The following DIAPH1 variants were observed in gnomAD, a reference collection of about 807,000 sequenced individuals.
The protein encoded by DIAPH1 is diaphanous related formin 1.
A neutral mutation model predicts 140.7 loss-of-function variants in DIAPH1; 46 were observed. That is an observed-to-expected ratio of 0.33 (90% CI 0.26 to 0.42). DIAPH1 has a LOEUF of 0.42. Ranked by LOEUF, DIAPH1 falls within the 10% of genes least tolerant of loss-of-function variation. The pLI is 1.00. For missense variants in DIAPH1, 1,310 were observed against 1,558.7 expected (o/e 0.84, Z 2.69); for synonymous variants, 565 against 551.6 (o/e 1.02, Z -0.34).
chr5:141,585,692 C>G (rs1366929602), intron 3 of DIAPH1, among the ~76,000 whole-genome samples: 1 of 152,040 alleles, frequency 6.6e-6, no homozygotes, highest in African/African-American at 2.4e-5. Context: ...CCCAGCTACT[C>G]AGGAGGCTGA....
In DIAPH1 at chr5:141,528,280, G is replaced by T. The variant is rs187894887; in HGVS notation, c.3148+173C>A. Among the ~76,000 whole-genome samples, 14 of 152,274 alleles carry T rather than the reference G, an allele frequency of 9.2e-5. No homozygotes were observed. The East Asian group carries it at 1.5e-3, about 17-fold the overall frequency. ...AGTGCTTCCTATTTCTACACATAAA[G>T]ATCTCTCCTCAGCCATACGCTCTGC... On this transcript the variant is annotated intron_variant, in intron 23 of 27. Coordinates refer to ENST00000389054, the MANE Select transcript of DIAPH1 (RefSeq NM_005219.5).
chr5:141,572,254 C>CAT (rs931655134), intron 16 of DIAPH1, among the ~76,000 whole-genome samples: 4 of 152,160 alleles, frequency 2.6e-5, no homozygotes, highest in African/African-American at 9.7e-5. Flanking sequence ...GAACTAGATT[C>CAT]ATATATATAC....
chr5:141,546,485 G>A (rs914373029), intron 18 of DIAPH1, among the ~76,000 whole-genome samples: 14 of 151,828 alleles, frequency 9.2e-5, no homozygotes, highest in East Asian at 1.9e-4. Context: ...GTGAAACCCC[G>A]TCTCTACTAA....
chr5:141,615,158 G>A (rs1029968110), intron 1 of DIAPH1, among the ~76,000 whole-genome samples: 2 of 152,096 alleles, frequency 1.3e-5, no homozygotes, highest in Admixed American at 6.5e-5. Context: ...TCTCTTGGCC[G>A]GACGAGGTGG....
intron 18 of DIAPH1, among the ~76,000 whole-genome samples, chr5:141,541,762 T>G (rs777957554): frequency 6.7e-6 from 1 of 149,624 alleles, no homozygotes; most frequent in African/African-American, 2.5e-5. Context: ...TAAAGTACCA[T>G]AAGACAAAAG....
chr5:141,532,026 A>T (rs565847113), intron 19 of DIAPH1, among the ~76,000 whole-genome samples: 1 of 152,352 alleles, frequency 6.6e-6, no homozygotes, highest in South Asian at 2.1e-4. Context: ...AAAATTACAC[A>T]GGATAATCTC....
chr5:141,569,801 G>T lies in DIAPH1; in HGVS notation c.2482+1627C>A, dbSNP rs2099894888. 3.3e-5 allele frequency among the ~76,000 whole-genome samples: 5 copies of T among 152,120 alleles called. No individual in the cohort carries two copies. The South Asian group carries it at 1.0e-3, about 32-fold the overall frequency. ...AATAAAAAAAATAAAAGTAGTTAAG[G>T]ATGAAGATCTTTTTCTGAAATATAA... On this transcript the variant is annotated intron_variant, in intron 18 of 27. Transcript: ENST00000389054.
chr5:141,595,830 T>C (rs917530329), intron 1 of DIAPH1, among the ~76,000 whole-genome samples: 4 of 152,188 alleles, frequency 2.6e-5, no homozygotes, highest in Non-Finnish European at 5.9e-5. Context: ...TGGAAATCTC[T>C]ATACCTTCAT....
At position 141,607,866 on chromosome 5, in the gene DIAPH1, A is replaced by C. The variant is rs139413755; in HGVS notation, c.117+10932T>G. ...CCATCTTCTAGGAAGCTAAGTTAAC[A>C]CTGCCCGCAATTACATTCTGGGTCA... is the stretch of plus-strand genomic sequence containing the variant. On this transcript the variant is annotated intron_variant, in intron 1 of 27. Transcript: ENST00000389054. 2.0e-5 allele frequency among the ~76,000 whole-genome samples: 3 copies of C among 152,314 alleles called. No individual in the cohort carries two copies. The East Asian group carries it at 5.8e-4, about 29-fold the overall frequency.
chr5:141,555,655 G>C (rs2099892459), intron 18 of DIAPH1, among the ~76,000 whole-genome samples: 1 of 152,136 alleles, frequency 6.6e-6, no homozygotes, highest in South Asian at 2.1e-4. Context: ...ACAGAATTGT[G>C]TGAAATAAGG....
chr5:141,591,336 G>A (rs1320381379), intron 1 of DIAPH1, among the ~76,000 whole-genome samples: 1 of 151,946 alleles, frequency 6.6e-6, no homozygotes, highest in East Asian at 1.9e-4. Flanking sequence ...TCTTCTGATT[G>A]TCTGTTTCCT....
At chr5:141,615,775 C>G (rs760901705) in intron 1 of DIAPH1, among the ~76,000 whole-genome samples, 2 of 152,146 alleles carry the variant, frequency 1.3e-5, no homozygotes, top group Non-Finnish European at 2.9e-5. Flanking sequence ...CGCTAATGCT[C>G]CTAGTTAAAT....
Position 141,580,851 on chromosome 5 carries a change from T to C in DIAPH1, c.717A>G (p.Glu239=), listed in dbSNP as rs1285818209. The change falls in exon 8 of 28, where the codon GAA becomes GAG. Residue 239 remains glutamate (E), a synonymous_variant. Coordinates refer to ENST00000389054, the MANE Select transcript of DIAPH1 (RefSeq NM_005219.5). ...TGGCTCTGACCAGCAGTAGGATTCC[T>C]TCTTCTGTCTCCAACATGGTCTTGA... The part of the protein sequence containing the change: ...FGIKTMLETE[E]GILLLVRAMD... 1 of 1,614,092 alleles carries C rather than the reference T, an allele frequency of 6.2e-7. No homozygotes were observed. The highest frequency in any genetic ancestry group is 1.3e-5 in the African/African-American group (1 of 74,940).
At chr5:141,583,951 AATGT>A (rs1177799016) in intron 4 of DIAPH1, among the ~76,000 whole-genome samples, 169 bp downstream of exon 4, 1 of 152,200 alleles carries the variant, frequency 6.6e-6, no homozygotes, top group Non-Finnish European at 1.5e-5. Context: ...AACCAGGCAA[AATGT>A]ATGTAAGAAC....
At chr5:141,520,899 TTTTTTA>T (rs2099886432) in intron 27 of DIAPH1, among the ~76,000 whole-genome samples, 2 of 152,022 alleles carry the variant, frequency 1.3e-5, no homozygotes, top group Admixed American at 6.6e-5. Context: ...ACTTTATCTG[TTTTTTA>T]TTTTTATTTT....
chr5:141,585,590 AG>A (rs2099897419), intron 3 of DIAPH1, among the ~76,000 whole-genome samples: 1 of 152,092 alleles, frequency 6.6e-6, no homozygotes, highest in South Asian at 2.1e-4. Context: ...TCACAAGGTC[AG>A]GGGTTCGAGA....
chr5:141,569,032 C>T (rs879643493), intron 18 of DIAPH1, among the ~76,000 whole-genome samples: 1 of 151,706 alleles, frequency 6.6e-6, no homozygotes, highest in Admixed American at 6.6e-5. Context: ...TTTTTTTAAT[C>T]TATTATTGTT....
intron 27 of DIAPH1, among the ~76,000 whole-genome samples, chr5:141,523,409 A>C (rs1242121733): frequency 1.3e-5 from 2 of 152,186 alleles, no homozygotes; most frequent in African/African-American, 4.8e-5. Context: ...GGCCACTGTA[A>C]GCTTCCCTGA....
At chr5:141,546,131 C>T (rs898246133) in intron 18 of DIAPH1, among the ~76,000 whole-genome samples, 2 of 152,156 alleles carry the variant, frequency 1.3e-5, no homozygotes, top group African/African-American at 2.4e-5. Flanking sequence ...GCCTGTATCC[C>T]AGCACTTTGG....
Sources: allele counts gnomAD v4.1 joint callset (sites outside exome capture counted in the v4.1 genomes callset), GRCh38; gene constraint gnomAD v4.1.1; transcripts MANE v1.5; gene names NCBI Gene and HGNC (gene_info 2026-07-23, HGNC 2026-07-21).